The following FRMPD2 variants were observed in gnomAD, a reference collection of about 807,000 sequenced individuals.
The protein encoded by FRMPD2 is FERM and PDZ domain containing 2, also known as FERM and PDZ domain-containing protein 2.
In FRMPD2, 96 loss-of-function variants were observed where a neutral mutation model predicts 140.1. The ratio of observed to expected loss-of-function variants is 0.69; its 90% CI spans 0.58 to 0.81. The LOEUF (loss-of-function observed/expected upper bound fraction) is 0.81, where lower values mean the gene tolerates loss of function less well. FRMPD2 is among the 40% of genes least tolerant of loss of function. The probability of loss-of-function intolerance (pLI) is 0.00; values close to 1 mark genes in which losing one functional copy is unlikely to be tolerated. For synonymous variants in FRMPD2, 449 were observed against 547.6 expected, an observed-to-expected ratio of 0.82 and a Z score of 2.52; for missense variants, 1,240 against 1,447.4, an observed-to-expected ratio of 0.86 and a Z score of 2.32.
chr10:48,240,297 G>A, intron 6 of FRMPD2, 63 bp downstream of exon 6: 1 of 1,565,632 alleles, frequency 6.4e-7, no homozygotes, highest in Non-Finnish European at 8.7e-7. Flanking sequence ...GCCCATACAG[G>A]GCAGGAAAAA....
intron 1 of FRMPD2, among the ~76,000 whole-genome samples, chr10:48,252,479 C>T (rs1840406789): frequency 6.6e-6 from 1 of 152,152 alleles, no homozygotes; most frequent in Non-Finnish European, 1.5e-5. Flanking sequence ...AGCCAGAGCT[C>T]AAGCAGGGCG....
chr10:48,232,410 A>T, intron 9 of FRMPD2, 121 bp from the exon 10 acceptor site: 3 of 699,426 alleles, frequency 4.3e-6, no homozygotes, highest in Non-Finnish European at 7.1e-6. Flanking sequence ...ACTCTAAAAG[A>T]TAAGTATATT....
At chr10:48,237,700 C>T (rs1268931724) in intron 8 of FRMPD2, among the ~76,000 whole-genome samples, 7 of 152,152 alleles carry the variant, frequency 4.6e-5, no homozygotes, top group East Asian at 3.9e-4. Flanking sequence ...TCATGTAGCA[C>T]GCTCTGCCAC....
chr10:48,210,013 TAC>T (rs1378635363), intron 13 of FRMPD2, among the ~76,000 whole-genome samples: 1 of 152,186 alleles, frequency 6.6e-6, no homozygotes, highest in African/African-American at 2.4e-5. Context: ...TATATGCATA[TAC>T]ATATATATAT....
chr10:48,214,188 A>C (rs929539846), intron 12 of FRMPD2, among the ~76,000 whole-genome samples: 3 of 152,204 alleles, frequency 2.0e-5, no homozygotes, highest in African/African-American at 2.4e-5. Flanking sequence ...TTTATTCCTA[A>C]TAAAAATCCC....
At chr10:48,221,131 C>T (rs896161680) in intron 12 of FRMPD2, among the ~76,000 whole-genome samples, 2 of 152,194 alleles carry the variant, frequency 1.3e-5, no homozygotes, top group Non-Finnish European at 2.9e-5. Flanking sequence ...ATAAAAGATA[C>T]TTGCACACGC....
intron 16 of FRMPD2, 75 bp from the exon 17 acceptor site, chr10:48,187,367 G>A (rs1838714850): frequency 7.8e-7 from 1 of 1,276,306 alleles, no homozygotes; most frequent in Non-Finnish European, 1.1e-6. Context: ...AGGTGGCTCA[G>A]GGAGGCAACT....
chr10:48,264,824 G>C (rs1011899533), intron 1 of FRMPD2, among the ~76,000 whole-genome samples: 2 of 152,038 alleles, frequency 1.3e-5, no homozygotes, highest in Non-Finnish European at 2.9e-5. Context: ...AAGTCACCTA[G>C]AACAGACAAC....
chr10:48,265,595 A>G (rs755334415), intron 1 of FRMPD2, among the ~76,000 whole-genome samples: 8 of 152,208 alleles, frequency 5.3e-5, no homozygotes, highest in Admixed American at 3.9e-4. Context: ...ACATACATGC[A>G]ACCAATAAGC....
At chr10:48,207,400 A>G (rs1477191221) in intron 13 of FRMPD2, among the ~76,000 whole-genome samples, 1 of 152,182 alleles carries the variant, frequency 6.6e-6, no homozygotes, top group Admixed American at 6.5e-5. Context: ...GTGACCTTCC[A>G]GATCACCAAT....
At chr10:48,192,302 C>A (rs562283867) in intron 16 of FRMPD2, among the ~76,000 whole-genome samples, 1 of 152,288 alleles carries the variant, frequency 6.6e-6, no homozygotes, top group Non-Finnish European at 1.5e-5. Flanking sequence ...AATTTCTTGG[C>A]CAGGCTTGGT....
Position 48,232,324 on chromosome 10 carries a change from T to G in FRMPD2, c.994-35A>C, listed in dbSNP as rs1192359374. ...ACAACAGTATCAATTATACTACAAT[T>G]ATAAGTCATTGAGCCTTTAGTGTGT... On this transcript the variant is annotated intron_variant, in intron 9 of 28. Transcript: ENST00000374201. The G allele has an allele frequency of 2.0e-6, 3 of 1,504,330 alleles. No homozygotes were observed. In the East Asian group the frequency reaches 6.9e-5, roughly 35 times the overall value. 93.2% of individuals were successfully genotyped at this position (1,504,330 alleles called of 1,614,324 possible).
At chr10:48,208,380 T>C (rs571291155) in intron 13 of FRMPD2, among the ~76,000 whole-genome samples, 3 of 152,358 alleles carry the variant, frequency 2.0e-5, no homozygotes, top group South Asian at 4.1e-4. Flanking sequence ...TTCAGTTCTC[T>C]GGGCCTCAAG....
At chr10:48,214,542 T>C (rs1490021119) in intron 12 of FRMPD2, among the ~76,000 whole-genome samples, 1 of 152,230 alleles carries the variant, frequency 6.6e-6, no homozygotes, top group Non-Finnish European at 1.5e-5. Flanking sequence ...AAGGGATATA[T>C]GAAAAATCCC....
chr10:48,179,952 C>T (rs545913930), intron 21 of FRMPD2, among the ~76,000 whole-genome samples: 1 of 152,336 alleles, frequency 6.6e-6, no homozygotes, highest in East Asian at 1.9e-4. Context: ...GCACCTGGGG[C>T]TGGAAACACT....
At chr10:48,259,350 C>T (rs1206652729) in intron 1 of FRMPD2, among the ~76,000 whole-genome samples, 1 of 152,142 alleles carries the variant, frequency 6.6e-6, no homozygotes, top group Non-Finnish European at 1.5e-5. Flanking sequence ...AGCCACACAG[C>T]TAGTAAATTT....
intron 24 of FRMPD2, among the ~76,000 whole-genome samples, chr10:48,174,642 T>C (rs1838357483): frequency 6.6e-6 from 1 of 150,672 alleles, no homozygotes; most frequent in East Asian, 2.0e-4. Flanking sequence ...AGGCTATCTA[T>C]GGGGGGTGAG....
chr10:48,265,869 A>G (rs1380077660), intron 1 of FRMPD2, among the ~76,000 whole-genome samples: 1 of 152,252 alleles, frequency 6.6e-6, no homozygotes. Context: ...TACTGGGTAT[A>G]TACCCAAAGA....
rs1839869243 is a variant in FRMPD2, at chr10:48,232,258, C to T, written c.1025G>A (p.Arg342Lys). 3 of 1,612,880 alleles carry T rather than the reference C, an allele frequency of 1.9e-6. No individual in the cohort carries two copies. Among genetic ancestry groups the T allele is most frequent in the East Asian group, 2.2e-5 (1 of 44,870 alleles). Residue 342 changes from arginine (R) to lysine (K), a missense_variant, in exon 10 of 29, where the codon AGG (arginine) becomes AAG (lysine). By Grantham distance (26) the Arg-to-Lys change is conservative. Coordinates refer to ENST00000374201, the MANE Select transcript of FRMPD2 (RefSeq NM_001018071.4). Reference protein sequence around the residue: ...TKKGKSYLALRDLCVVLLNGQ... With the variant: ...TKKGKSYLALKDLCVVLLNGQ... The stretch of plus-strand genomic sequence containing the variant: ...GTTCAGCAGGACCACACAGAGGTCC[C>T]TGAGAGCCAAATAGGATTTCCCTTT...
Sources: allele counts gnomAD v4.1 joint callset (sites outside exome capture counted in the v4.1 genomes callset), GRCh38; gene constraint gnomAD v4.1.1; transcripts MANE v1.5; gene names NCBI Gene and HGNC (gene_info 2026-07-23, HGNC 2026-07-21).